The following SYT1 variants were observed in gnomAD, a reference collection of about 807,000 sequenced individuals.
SYT1 encodes synaptotagmin 1, also known as synaptotagmin-1.
In SYT1, 8 loss-of-function variants were observed where a neutral mutation model predicts 44.8. The observed-to-expected ratio is 0.18, with a 90% CI of 0.10 to 0.32. SYT1 has a LOEUF of 0.32. Among genes scored for constraint, SYT1 ranks in the 10% least tolerant of loss-of-function variants. SYT1 has a pLI of 1.00. For missense variants in SYT1, 286 were observed against 509.3 expected (o/e 0.56, Z 4.22); for synonymous variants, 154 against 188.8 (o/e 0.82, Z 1.51).
rs1874885735 is a variant in SYT1 at position 79,217,560 on chromosome 12, C to T, written c.41C>T (p.Pro14Leu). The part of the protein sequence containing the change: ...ESHHEALAAP[P>L]VTTVATVLPS... ...CACCATGAGGCCCTGGCAGCCCCGC[C>T]TGTCACCACTGTCGCGACTGTTCTG... Residue 14 changes from proline to leucine, a missense_variant, in exon 4 of 11, where the codon CCT becomes CTT. Physicochemically the swap from Pro to Leu is moderately conservative, Grantham distance 98. Coordinates refer to ENST00000261205, the MANE Select transcript of SYT1 (RefSeq NM_005639.3). 1 of 1,611,252 alleles carries T rather than the reference C, an allele frequency of 6.2e-7. No individual in the cohort carries two copies. The highest frequency in any genetic ancestry group is 8.5e-7 in the Non-Finnish European group (1 of 1,178,858).
chr12:79,178,938 A>ATC, intron 3 of SYT1, among the ~76,000 whole-genome samples: 1 of 41,058 alleles, frequency 2.4e-5, no homozygotes, highest in Non-Finnish European at 3.8e-5. Context: ...ATCTATATAG[A>ATC]TATAGATATA....
At chr12:78,976,033 TC>T (rs1868808189) in intron 1 of SYT1, among the ~76,000 whole-genome samples, 1 of 152,232 alleles carries the variant, frequency 6.6e-6, no homozygotes, top group African/African-American at 2.4e-5. Context: ...GGTGATGTTT[TC>T]TGTGTTTTTT....
At chr12:78,958,297 G>T (rs1218765755) in intron 1 of SYT1, among the ~76,000 whole-genome samples, 2 of 152,026 alleles carry the variant, frequency 1.3e-5, no homozygotes, top group Non-Finnish European at 2.9e-5. Flanking sequence ...AAACAAGTTT[G>T]TCTATAAGTT....
At chr12:78,912,066 G>T (rs191179848) in intron 1 of SYT1, among the ~76,000 whole-genome samples, 25 of 151,796 alleles carry the variant, frequency 1.6e-4, no homozygotes, top group Non-Finnish European at 2.4e-4. Context: ...AGTTTTCTCT[G>T]TAACACTTGG....
intron 1 of SYT1, among the ~76,000 whole-genome samples, chr12:78,949,795 G>A (rs909560834): frequency 6.6e-6 from 1 of 152,006 alleles, no homozygotes; most frequent in African/African-American, 2.4e-5. Context: ...ACAGAGGATA[G>A]TAGGGCAGTT....
chr12:78,871,825 T>C lies in SYT1; in HGVS notation c.-217+6716T>C, dbSNP rs12313320. Among the ~76,000 whole-genome samples, 748 of 152,026 alleles carry C rather than the reference T, an allele frequency of 4.9e-3. 6 individuals are homozygous for C. Among genetic ancestry groups the C allele is most frequent in the African/African-American group, 0.017 (715 of 41,510 alleles). On this transcript the variant is annotated intron_variant, in intron 1 of 10. Coordinates refer to ENST00000261205, the MANE Select transcript of SYT1 (RefSeq NM_005639.3). ...CATCAGATTTGAAGACTGAATAAAG[T>C]GAACTATTGGGCATTAGAGCATATT...
chr12:78,963,560 A>G lies in SYT1; in HGVS notation c.-216-14239A>G, dbSNP rs576392131. On this transcript the variant is annotated intron_variant, in intron 1 of 10. Transcript: ENST00000261205. ...CATACAGTTAGCTAGCAAATATATG[A>G]AAAGATGCTCAGCCTCACAAATCAT... is the stretch of plus-strand genomic sequence containing the variant. 2.0e-5 allele frequency among the ~76,000 whole-genome samples: 3 copies of G among 152,326 alleles called. No individual in the cohort carries two copies. In the South Asian group the frequency reaches 6.2e-4, roughly 32 times the overall value.
At position 79,166,449 on chromosome 12, in the gene SYT1, T is replaced by C. The variant is rs543979445; in HGVS notation, c.-17-51054T>C. Among the ~76,000 whole-genome samples, 97 of 152,066 alleles carry C rather than the reference T, an allele frequency of 6.4e-4. 2 individuals carry two copies. In the South Asian group the frequency reaches 0.014, roughly 22 times the overall value. ...GGGAAGCCCAAGCTCTAAACTGATA[T>C]ATACACTGCAGAGACTAGGAGACAA... On this transcript the variant is annotated intron_variant, in intron 3 of 10. Coordinates refer to ENST00000261205, the MANE Select transcript of SYT1 (RefSeq NM_005639.3).
chr12:79,329,502 T>G (rs1438362977), intron 8 of SYT1, among the ~76,000 whole-genome samples: 1 of 152,246 alleles, frequency 6.6e-6, no homozygotes, highest in Admixed American at 6.5e-5. Context: ...GGAATGCTAC[T>G]GTACTTGAAT....
At position 79,149,602 on chromosome 12, in the gene SYT1, G is replaced by T. The variant is rs1475186268; in HGVS notation, c.-17-67901G>T. 2.0e-5 allele frequency among the ~76,000 whole-genome samples: 3 copies of T among 151,948 alleles called. No homozygotes were observed. The East Asian group carries it at 5.8e-4, about 29-fold the overall frequency. On this transcript the variant is annotated intron_variant, in intron 3 of 10. Coordinates refer to ENST00000261205, the MANE Select transcript of SYT1 (RefSeq NM_005639.3). ...GAAAGAGATGAAAATCCTTGCCTTT[G>T]CCCTTGAAGAATCCATACTTTATGG... is the stretch of plus-strand genomic sequence containing the variant.
chr12:79,071,168 AG>A (rs1876245645), intron 3 of SYT1, among the ~76,000 whole-genome samples: 1 of 152,166 alleles, frequency 6.6e-6, no homozygotes, highest in Non-Finnish European at 1.5e-5. Context: ...AATAGAATTC[AG>A]GGTGTGTGTT....
At chr12:79,334,365 G>A (rs1326929955) in intron 8 of SYT1, among the ~76,000 whole-genome samples, 1 of 152,156 alleles carries the variant, frequency 6.6e-6, no homozygotes, top group African/African-American at 2.4e-5. Flanking sequence ...AAGGTGAGCA[G>A]ATATTTACGG....
intron 3 of SYT1, among the ~76,000 whole-genome samples, chr12:79,205,164 G>A (rs1052310993): frequency 1.1e-3 from 164 of 151,912 alleles, no homozygotes; most frequent in Non-Finnish European, 4.0e-4. Flanking sequence ...GGGTTTCACC[G>A]TGTTAGCCAG....
intron 3 of SYT1, among the ~76,000 whole-genome samples, chr12:79,201,130 C>A (rs960035336): frequency 2.0e-5 from 3 of 152,046 alleles, no homozygotes; most frequent in African/African-American, 7.2e-5. Flanking sequence ...TTCCTAGGAT[C>A]TGTAGTGGAA....
chr12:79,001,846 ATTTCTTCAAC>A (rs2137533009), intron 2 of SYT1, among the ~76,000 whole-genome samples: 1 of 151,616 alleles, frequency 6.6e-6, no homozygotes, highest in South Asian at 2.1e-4. Context: ...CTGGATATTG[ATTTCTTCAAC>A]TTTCTTCACT....
intron 9 of SYT1, among the ~76,000 whole-genome samples, chr12:79,424,950 CTTCT>C (rs1349792165): frequency 2.4e-5 from 2 of 81,944 alleles, no homozygotes; most frequent in African/African-American, 4.9e-5. Flanking sequence ...GATTTTTCTT[CTTCT>C]TTTTTTTTTT....
chr12:78,943,693 T>G (rs1878507198), intron 1 of SYT1, among the ~76,000 whole-genome samples: 1 of 152,204 alleles, frequency 6.6e-6, no homozygotes, highest in South Asian at 2.1e-4. Context: ...AGAAAAAGCA[T>G]GGCATGTCAG....
intron 2 of SYT1, among the ~76,000 whole-genome samples, chr12:79,025,875 G>A (rs1031222331): frequency 2.6e-5 from 4 of 151,468 alleles, no homozygotes; most frequent in Admixed American, 6.6e-5. Flanking sequence ...TGACAACCTC[G>A]TTGGGAAATG....
intron 1 of SYT1, among the ~76,000 whole-genome samples, chr12:78,930,211 A>G (rs1877558737): frequency 6.6e-6 from 1 of 152,192 alleles, no homozygotes; most frequent in Non-Finnish European, 1.5e-5. Context: ...TGAATACATT[A>G]ATTAGACTGG....
Sources: allele counts gnomAD v4.1 joint callset (sites outside exome capture counted in the v4.1 genomes callset), GRCh38; gene constraint gnomAD v4.1.1; transcripts MANE v1.5; gene names NCBI Gene and HGNC (gene_info 2026-07-23, HGNC 2026-07-21).